The following TENM3 variants were observed in gnomAD, a reference collection of about 807,000 sequenced individuals.
TENM3 encodes the protein teneurin-3.
Under a neutral mutation model 255.1 loss-of-function variants are expected in TENM3, and 63 were observed. The ratio of observed to expected loss-of-function variants is 0.25; its 90% CI spans 0.20 to 0.30. The LOEUF (loss-of-function observed/expected upper bound fraction) is 0.30, where lower values mean the gene tolerates loss of function less well. Among genes scored for constraint, TENM3 ranks in the 10% least tolerant of loss-of-function variants. The probability of loss-of-function intolerance (pLI) is 1.00; values close to 1 mark genes in which losing one functional copy is unlikely to be tolerated. For synonymous variants in TENM3, 1,306 were observed against 1,322.3 expected, an observed-to-expected ratio of 0.99 and a Z score of 0.27; for missense variants, 2,929 against 3,461.1, an observed-to-expected ratio of 0.85 and a Z score of 3.86.
At chr4:181,766,975 G>A in the TENM3 span, among the ~76,000 whole-genome samples, 13,418 of 151,298 alleles carry the variant, frequency 0.089, 1,343 homozygotes, top group African/African-American at 0.24. Context: ...ACCAGAGGCC[G>A]GGCGCAGTGG....
intron 3 of TENM3, among the ~76,000 whole-genome samples, chr4:182,421,148 A>G (rs1770804808): frequency 6.6e-6 from 1 of 152,194 alleles, no homozygotes; most frequent in African/African-American, 2.4e-5. Context: ...ATCAAAATCC[A>G]CATTTCTCTG....
the TENM3 span, among the ~76,000 whole-genome samples, chr4:181,693,901 A>G: frequency 8.6e-4 from 131 of 152,120 alleles, 11 homozygotes; most frequent in Non-Finnish European, 4.4e-5. Context: ...ATTAATTTGT[A>G]TTCTCTTTTC....
chr4:181,601,925 T>C, the TENM3 span, among the ~76,000 whole-genome samples: 2 of 152,148 alleles, frequency 1.3e-5, no homozygotes, highest in Admixed American at 1.3e-4. Flanking sequence ...TGCCTCCAGC[T>C]GCATATCACC....
chr4:181,696,217 C>A, the TENM3 span, among the ~76,000 whole-genome samples: 1 of 152,056 alleles, frequency 6.6e-6, no homozygotes. Context: ...GTTTTATGTG[C>A]ATATAATAGA....
At chr4:182,700,762 G>T (rs959879652) in intron 12 of TENM3, among the ~76,000 whole-genome samples, 2 of 152,052 alleles carry the variant, frequency 1.3e-5, no homozygotes, top group African/African-American at 4.8e-5. Flanking sequence ...ATGTTGGTGG[G>T]GAATCTACTA....
the TENM3 span, among the ~76,000 whole-genome samples, chr4:181,654,488 C>G: frequency 6.6e-6 from 1 of 152,010 alleles, no homozygotes; most frequent in South Asian, 2.1e-4. Context: ...AAGAGTGGTC[C>G]TTCGCCTATA....
intron 3 of TENM3, among the ~76,000 whole-genome samples, chr4:182,450,760 T>A (rs182263499): frequency 6.6e-6 from 1 of 152,338 alleles, no homozygotes; most frequent in Admixed American, 6.5e-5. Context: ...AGGGAGTCAC[T>A]TGATCTCTTA....
At chr4:181,621,404 T>G in the TENM3 span, among the ~76,000 whole-genome samples, 1 of 152,228 alleles carries the variant, frequency 6.6e-6, no homozygotes, top group Non-Finnish European at 1.5e-5. Flanking sequence ...ATTTATTACA[T>G]AGAAGAGCAA....
chr4:181,935,889 C>G, the TENM3 span, among the ~76,000 whole-genome samples: 3 of 152,136 alleles, frequency 2.0e-5, no homozygotes, highest in Admixed American at 6.5e-5. Context: ...AGTCGCTTTC[C>G]AGATCTGGGT....
the TENM3 span, among the ~76,000 whole-genome samples, chr4:181,764,470 T>G: frequency 6.6e-6 from 1 of 152,216 alleles, no homozygotes; most frequent in South Asian, 2.1e-4. Flanking sequence ...CCGTTGATTT[T>G]AGAATATCTA....
chr4:182,362,694 G>A (rs1042747569), intron 3 of TENM3, among the ~76,000 whole-genome samples: 7 of 151,276 alleles, frequency 4.6e-5, no homozygotes, highest in African/African-American at 1.5e-4. Flanking sequence ...GCAATGCCTC[G>A]CCCTGCTTCG....
At chr4:181,668,320 C>T in the TENM3 span, among the ~76,000 whole-genome samples, 2 of 152,156 alleles carry the variant, frequency 1.3e-5, no homozygotes, top group Admixed American at 6.5e-5. Context: ...TGAATCAGTC[C>T]TCTGCATGCT....
chr4:182,131,585 C>T, the TENM3 span, among the ~76,000 whole-genome samples: 13,855 of 152,126 alleles, frequency 0.091, 906 homozygotes, highest in East Asian at 0.33. Context: ...TTAAATGCTG[C>T]CTGTAGGAAG....
At chr4:181,652,891 C>G in the TENM3 span, among the ~76,000 whole-genome samples, 1 of 152,184 alleles carries the variant, frequency 6.6e-6, no homozygotes, top group Non-Finnish European at 1.5e-5. Flanking sequence ...CTGCTGTGAC[C>G]TTTGCCAAGA....
chr4:182,497,878 A>ATATATATG lies in TENM3; in HGVS notation c.512-103041_512-103040insATGTATAT, dbSNP rs1446346027. Among the ~76,000 whole-genome samples the ATATATATG allele has an allele frequency of 3.6e-3, 518 of 142,992 alleles. 2 individuals carry two copies. Among genetic ancestry groups the ATATATATG allele is most frequent in the Middle Eastern group, 7.2e-3 (2 of 278 alleles). 93.8% of individuals were successfully genotyped at this position (142,992 alleles called of 152,430 possible). ...TATATATATATATATATATATATAT[A>ATATATATG]TATATCTCAACCTAGATGTATATAG... is the stretch of plus-strand genomic sequence containing the variant. On this transcript the variant is annotated intron_variant, in intron 3 of 27. Coordinates refer to ENST00000511685, the MANE Select transcript of TENM3 (RefSeq NM_001080477.4).
chr4:181,884,603 G>A, the TENM3 span, among the ~76,000 whole-genome samples: 1,837 of 152,106 alleles, frequency 0.012, 33 homozygotes, highest in African/African-American at 0.041. Context: ...ATGTTTTCAG[G>A]TTCATCCGTG....
intron 3 of TENM3, among the ~76,000 whole-genome samples, chr4:182,412,306 G>A (rs1770042618): frequency 6.6e-6 from 1 of 152,096 alleles, no homozygotes; most frequent in African/African-American, 2.4e-5. Context: ...TTCTGGGATT[G>A]GGGTGCAAGG....
chr4:182,224,874 T>C (rs1756049649), intron 1 of TENM3, among the ~76,000 whole-genome samples: 1 of 151,890 alleles, frequency 6.6e-6, no homozygotes, highest in South Asian at 2.1e-4. Flanking sequence ...GTGGCTGGGA[T>C]TACAGTCACG....
At chr4:181,539,034 A>T in the TENM3 span, among the ~76,000 whole-genome samples, 1 of 152,202 alleles carries the variant, frequency 6.6e-6, no homozygotes, top group African/African-American at 2.4e-5. Flanking sequence ...TCCCATATAT[A>T]GGCTAAAATC....
Sources: gnomAD v4.1 joint callset for allele counts (sites outside exome capture counted in the v4.1 genomes callset) on GRCh38, gnomAD v4.1.1 for gene constraint, MANE v1.5 for transcripts, NCBI Gene and HGNC (gene_info 2026-07-23, HGNC 2026-07-21) for gene names.